Variants in NRXN1 observed in about 807,000 individuals in gnomAD.
The protein encoded by NRXN1 is neurexin-1.
In NRXN1, 39 loss-of-function variants were observed where a neutral mutation model predicts 150.9. The ratio of observed to expected loss-of-function variants is 0.26; its 90% CI spans 0.20 to 0.34. The LOEUF (loss-of-function observed/expected upper bound fraction) is 0.34, where lower values mean the gene tolerates loss of function less well. Ranked by LOEUF, NRXN1 falls within the 10% of genes least tolerant of loss-of-function variation. The probability of loss-of-function intolerance (pLI) is 1.00; values close to 1 mark genes in which losing one functional copy is unlikely to be tolerated. For missense variants in NRXN1, 1,815 were observed against 1,949.9 expected (o/e 0.93, Z 1.30); for synonymous variants, 924 against 757.0 (o/e 1.22, Z -3.62).
intron 2 of NRXN1, among the ~76,000 whole-genome samples, chr2:50,933,136 G>A (rs1688017839): frequency 6.6e-6 from 1 of 151,978 alleles, no homozygotes; most frequent in Non-Finnish European, 1.5e-5. Flanking sequence ...GTTTACCCAT[G>A]GGCATTCTAA....
intron 5 of NRXN1, among the ~76,000 whole-genome samples, chr2:50,755,721 C>A (rs1243121746): frequency 6.6e-6 from 1 of 151,802 alleles, no homozygotes; most frequent in Non-Finnish European, 1.5e-5. Context: ...TTGGATCACA[C>A]TTTACATTTA....
At chr2:50,398,024 G>C (rs1004950478) in intron 17 of NRXN1, among the ~76,000 whole-genome samples, 1 of 152,062 alleles carries the variant, frequency 6.6e-6, no homozygotes, top group African/African-American at 2.4e-5. Flanking sequence ...CATTAGAAAG[G>C]AAGAATGTTG....
At chr2:50,352,512 TGAGAA>T (rs1471461884) in intron 17 of NRXN1, among the ~76,000 whole-genome samples, 3 of 151,942 alleles carry the variant, frequency 2.0e-5, no homozygotes, top group Non-Finnish European at 4.4e-5. Context: ...AAATTAAAAA[TGAGAA>T]GAGTGTCGGT....
chr2:50,706,131 G>C (rs188923437), intron 5 of NRXN1, among the ~76,000 whole-genome samples: 3 of 152,250 alleles, frequency 2.0e-5, no homozygotes, highest in East Asian at 1.9e-4. Flanking sequence ...TCTCTCTTGA[G>C]CTCTTAATCA....
chr2:51,026,516 G>C (rs1313073439), intron 2 of NRXN1: 2 of 1,277,882 alleles, frequency 1.6e-6, no homozygotes, highest in African/African-American at 3.0e-5. Context: ...GTAGTTTAAT[G>C]CCACACTGTT....
At chr2:51,000,939 C>A (rs1699959909) in intron 2 of NRXN1, among the ~76,000 whole-genome samples, 1 of 151,834 alleles carries the variant, frequency 6.6e-6, no homozygotes, top group African/African-American at 2.4e-5. Context: ...TGGTTTCTGA[C>A]CCTTGTCAGA....
chr2:50,855,377 G>C (rs1675121940), intron 5 of NRXN1, among the ~76,000 whole-genome samples: 2 of 151,848 alleles, frequency 1.3e-5, no homozygotes, highest in African/African-American at 4.8e-5. Context: ...AGAAAACTGA[G>C]ACTCAAAGAA....
chr2:50,675,154 T>C (rs1689375826), intron 5 of NRXN1, among the ~76,000 whole-genome samples: 1 of 152,140 alleles, frequency 6.6e-6, no homozygotes, highest in Non-Finnish European at 1.5e-5. Flanking sequence ...GGCATCATGC[T>C]TCCTGTACAG....
intron 8 of NRXN1, among the ~76,000 whole-genome samples, chr2:50,583,503 C>A (rs2103687608): frequency 6.6e-6 from 1 of 152,292 alleles, no homozygotes; most frequent in South Asian, 2.1e-4. Context: ...CCATACCTGC[C>A]AGTTTCCACA....
intron 21 of NRXN1, among the ~76,000 whole-genome samples, chr2:49,952,320 A>C (rs2104464746): frequency 6.6e-6 from 1 of 152,144 alleles, no homozygotes; most frequent in Non-Finnish European, 1.5e-5. Context: ...TAACCACTAA[A>C]ATTGTCCTGA....
chr2:50,989,034 C>T (rs915399955), intron 2 of NRXN1, among the ~76,000 whole-genome samples: 27 of 151,646 alleles, frequency 1.8e-4, no homozygotes, highest in African/African-American at 6.3e-4. Context: ...AAAAAAAATC[C>T]AGGAACTTGC....
intron 10 of NRXN1, 117 bp from the exon 11 acceptor site, chr2:50,531,547 A>C: frequency 1.3e-6 from 1 of 745,776 alleles, no homozygotes; most frequent in Non-Finnish European, 2.2e-6. Flanking sequence ...CAATACTACA[A>C]AATCAATTCA....
At chr2:50,921,748 A>G (rs552129524) in intron 5 of NRXN1, 121 bp downstream of exon 5, 3 of 412,186 alleles carry the variant, frequency 7.3e-6, no homozygotes, top group South Asian at 2.5e-4. Context: ...ATATTTATTA[A>G]CACATATACC....
At chr2:49,950,815 G>A (rs1673809069) in intron 21 of NRXN1, among the ~76,000 whole-genome samples, 2 of 151,984 alleles carry the variant, frequency 1.3e-5, no homozygotes, top group South Asian at 4.1e-4. Context: ...TTGAATGTGT[G>A]AACACTGGCT....
intron 5 of NRXN1, among the ~76,000 whole-genome samples, chr2:50,885,884 T>A (rs1396820075): frequency 1.3e-5 from 2 of 149,550 alleles, no homozygotes; most frequent in East Asian, 2.0e-4. Context: ...CCAAAGAGAT[T>A]TGAGTTAGAA....
At chr2:50,587,247 G>A (rs1257049154) in intron 8 of NRXN1, among the ~76,000 whole-genome samples, 5 of 152,304 alleles carry the variant, frequency 3.3e-5, no homozygotes, top group African/African-American at 1.2e-4. Flanking sequence ...CTCTTTGGGA[G>A]GCTGATGTGG....
chr2:50,991,156 C>G (rs538356363), intron 2 of NRXN1, among the ~76,000 whole-genome samples: 28 of 152,024 alleles, frequency 1.8e-4, no homozygotes, highest in African/African-American at 6.3e-4. Context: ...CCTGAATAAG[C>G]TGTTAAGCTT....
chr2:50,532,393 G>T (rs999991295), intron 10 of NRXN1, among the ~76,000 whole-genome samples: 1 of 151,302 alleles, frequency 6.6e-6, no homozygotes, highest in Admixed American at 6.6e-5. Context: ...ATAGGAACTA[G>T]GCCAATACTT....
At chr2:50,697,565 T>C (rs1693103923) in intron 5 of NRXN1, among the ~76,000 whole-genome samples, 1 of 152,184 alleles carries the variant, frequency 6.6e-6, no homozygotes, top group African/African-American at 2.4e-5. Flanking sequence ...TGTGGTTTCA[T>C]CCGAACCTAA....
Sources: gnomAD v4.1 joint callset for allele counts (sites outside exome capture counted in the v4.1 genomes callset) on GRCh38, gnomAD v4.1.1 for gene constraint, MANE v1.5 for transcripts, NCBI Gene and HGNC (gene_info 2026-07-23, HGNC 2026-07-21) for gene names.